Variants in AXDND1 observed in about 807,000 individuals in gnomAD.
AXDND1 encodes axonemal dynein light chain domain containing 1.
A neutral mutation model predicts 137.5 loss-of-function variants in AXDND1; 110 were observed. The observed-to-expected ratio is 0.80, with a 90% CI of 0.69 to 0.94. The LOEUF is 0.94. Ranked by LOEUF, AXDND1 falls within the 40% of genes least tolerant of loss-of-function variation. The probability of loss-of-function intolerance (pLI) is 0.00; values close to 1 mark genes in which losing one functional copy is unlikely to be tolerated. For missense variants in AXDND1, 1,191 were observed against 1,169.8 expected (o/e 1.02, Z -0.26); for synonymous variants, 414 against 399.7 (o/e 1.04, Z -0.43).
At chr1:179,530,969 G>A (rs1003268848) in intron 23 of AXDND1, among the ~76,000 whole-genome samples, 4 of 152,172 alleles carry the variant, frequency 2.6e-5, no homozygotes, top group South Asian at 2.1e-4. Context: ...GCCACACCAC[G>A]TAGGAGATGG....
chr1:179,484,314 C>T (rs1005223135), intron 18 of AXDND1, among the ~76,000 whole-genome samples: 3 of 152,138 alleles, frequency 2.0e-5, no homozygotes, highest in African/African-American at 4.8e-5. Context: ...GGAGCACAGT[C>T]AGGGGTGCCT....
chr1:179,369,953 A>G (rs1667870227), intron 3 of AXDND1, 22 bp from the exon 4 acceptor site: 10 of 1,553,774 alleles, frequency 6.4e-6, no homozygotes, highest in Middle Eastern at 1.7e-4. Context: ...CTGGATATTC[A>G]TGTGTATTTG....
chr1:179,521,683 T>C (rs145161205), intron 21 of AXDND1, among the ~76,000 whole-genome samples: 1 of 152,136 alleles, frequency 6.6e-6, no homozygotes, highest in Non-Finnish European at 1.5e-5. Context: ...TAGAATTTTC[T>C]TTAGTGAAGA....
At chr1:179,376,413 C>T (rs778017590) in intron 4 of AXDND1, among the ~76,000 whole-genome samples, 6 of 152,056 alleles carry the variant, frequency 3.9e-5, no homozygotes, top group Admixed American at 1.3e-4. Flanking sequence ...TTTCAGTCAG[C>T]GTTTGGTTGA....
At position 179,366,505 on chromosome 1, in the gene AXDND1, T is replaced by G. The variant is rs1442194172; in HGVS notation, c.-5T>G. On this transcript the variant is annotated 5_prime_UTR_variant, in exon 2 of 26. Coordinates refer to ENST00000367618, the MANE Select transcript of AXDND1 (RefSeq NM_144696.6). The stretch of plus-strand genomic sequence containing the variant: ...TTACTAAAGAGATAGGAGGCATTGT[T>G]TATTATGTCTCTCCCGAAAACGCCC... 6.2e-7 allele frequency: 1 copy of G among 1,605,376 alleles called. No individual in the cohort carries two copies. Among genetic ancestry groups the G allele is most frequent in the South Asian group, 1.1e-5 (1 of 90,878 alleles).
chr1:179,423,664 G>A (rs1656110376), intron 12 of AXDND1, among the ~76,000 whole-genome samples: 1 of 151,600 alleles, frequency 6.6e-6, no homozygotes, highest in South Asian at 2.1e-4. Context: ...TTTAAAAAAA[G>A]AGATGACAAT....
intron 17 of AXDND1, among the ~76,000 whole-genome samples, chr1:179,480,367 TA>T (rs980281833): frequency 7.2e-5 from 11 of 152,152 alleles, no homozygotes; most frequent in African/African-American, 2.4e-4. Flanking sequence ...GTTCCCCTTA[TA>T]AAATCATCAG....
chr1:179,381,342 G>T (rs1648267875), intron 6 of AXDND1, among the ~76,000 whole-genome samples: 1 of 102,608 alleles, frequency 9.7e-6, no homozygotes, highest in Non-Finnish European at 2.0e-5. Context: ...GCACATGGCT[G>T]ATTTTTTTTT....
intron 12 of AXDND1, among the ~76,000 whole-genome samples, chr1:179,424,661 C>G (rs773918516): frequency 3.9e-5 from 6 of 151,972 alleles, no homozygotes; most frequent in Non-Finnish European, 7.4e-5. Flanking sequence ...AACTCCTGAT[C>G]TCAGGTGATC....
intron 4 of AXDND1, among the ~76,000 whole-genome samples, chr1:179,372,558 A>G (rs915031400): frequency 4.6e-5 from 7 of 151,314 alleles, no homozygotes; most frequent in African/African-American, 1.7e-4. Flanking sequence ...TTATGTTATG[A>G]TTAAGAATCA....
At chr1:179,376,144 C>T (rs1647241866) in intron 4 of AXDND1, among the ~76,000 whole-genome samples, 1 of 152,164 alleles carries the variant, frequency 6.6e-6, no homozygotes, top group African/African-American at 2.4e-5. Context: ...TAAAGCCCAA[C>T]ATGTTAAGCA....
At chr1:179,509,060 C>T (rs1043105103) in intron 20 of AXDND1, among the ~76,000 whole-genome samples, 1 of 152,146 alleles carries the variant, frequency 6.6e-6, no homozygotes, top group African/African-American at 2.4e-5. Context: ...GTTTTTACGG[C>T]ACTTCACTAC....
At chr1:179,536,612 T>C (rs998804321) in intron 25 of AXDND1, among the ~76,000 whole-genome samples, 3 of 152,234 alleles carry the variant, frequency 2.0e-5, no homozygotes, top group Non-Finnish European at 4.4e-5. Flanking sequence ...TTGGTTACCG[T>C]AGCCTTGTAG....
chr1:179,528,467 T>C, intron 23 of AXDND1, 36 bp downstream of exon 23: 1 of 1,408,316 alleles, frequency 7.1e-7, no homozygotes, highest in Non-Finnish European at 1.0e-6. Context: ...AATTCAACAC[T>C]ATTTAACATT....
chr1:179,390,529 T>C (rs909410128), intron 9 of AXDND1, among the ~76,000 whole-genome samples: 22 of 152,348 alleles, frequency 1.4e-4, no homozygotes, highest in African/African-American at 4.1e-4. Flanking sequence ...TTTATAAGAA[T>C]CTCACTATAC....
chr1:179,476,555 G>A (rs939424606), intron 17 of AXDND1, among the ~76,000 whole-genome samples: 1 of 103,472 alleles, frequency 9.7e-6, no homozygotes, highest in Non-Finnish European at 2.2e-5. Flanking sequence ...CAAATTCTTC[G>A]GTTTTTTTTT....
At chr1:179,425,120 G>A (rs1455920669) in intron 12 of AXDND1, among the ~76,000 whole-genome samples, 1 of 152,162 alleles carries the variant, frequency 6.6e-6, no homozygotes, top group Non-Finnish European at 1.5e-5. Context: ...ACTTTGCATT[G>A]AAGGTTTAGT....
At chr1:179,539,322 T>C (rs1671883997) in intron 25 of AXDND1, among the ~76,000 whole-genome samples, 1 of 152,242 alleles carries the variant, frequency 6.6e-6, no homozygotes, top group African/African-American at 2.4e-5. Context: ...TTGCAGTGAC[T>C]GGTACCGATT....
chr1:179,435,092 G>C (rs1042572891), intron 15 of AXDND1, among the ~76,000 whole-genome samples: 1 of 152,014 alleles, frequency 6.6e-6, no homozygotes, highest in African/African-American at 2.4e-5. Flanking sequence ...CCCATTCATA[G>C]CTGCTAAAAA....
Sources: gnomAD v4.1 joint callset for allele counts (sites outside exome capture counted in the v4.1 genomes callset) on GRCh38, gnomAD v4.1.1 for gene constraint, MANE v1.5 for transcripts, NCBI Gene and HGNC (gene_info 2026-07-23, HGNC 2026-07-21) for gene names.